The following ADAM19 variants were observed in gnomAD, a reference collection of about 807,000 sequenced individuals.
ADAM19 encodes disintegrin and metalloproteinase domain-containing protein 19.
ADAM19 carries 65 observed loss-of-function variants against 114.7 expected under a neutral mutation model. That is an observed-to-expected ratio of 0.57 (90% CI 0.46 to 0.70). The LOEUF (loss-of-function observed/expected upper bound fraction) is 0.70. Ranked by LOEUF, ADAM19 falls within the 30% of genes least tolerant of loss-of-function variation. ADAM19 has a pLI of 0.00. For missense variants in ADAM19, 1,063 were observed against 1,204.7 expected (o/e 0.88, Z 1.74); for synonymous variants, 466 against 460.5 (o/e 1.01, Z -0.15).
chr5:157,505,140 T>TAA (rs1755701285), intron 11 of ADAM19, among the ~76,000 whole-genome samples: 2 of 138,462 alleles, frequency 1.4e-5, no homozygotes, highest in Admixed American at 1.4e-4. Context: ...AAAAAAAAAA[T>TAA]TTCCTCATGA....
chr5:157,523,701 T>C (rs1267416786), intron 5 of ADAM19, among the ~76,000 whole-genome samples: 1 of 152,206 alleles, frequency 6.6e-6, no homozygotes, highest in African/African-American at 2.4e-5. Flanking sequence ...TAAACCTCTT[T>C]TCTTTATAAA....
At chr5:157,551,438 A>G (rs1458115982) in intron 3 of ADAM19, among the ~76,000 whole-genome samples, 6 of 149,666 alleles carry the variant, frequency 4.0e-5, no homozygotes, top group Non-Finnish European at 5.9e-5. Context: ...AAAAGACCAA[A>G]AAAACTAAGA....
chr5:157,494,441 G>A (rs1755283506), intron 15 of ADAM19, among the ~76,000 whole-genome samples: 1 of 152,184 alleles, frequency 6.6e-6, no homozygotes, highest in South Asian at 2.1e-4. Context: ...CCTACTGTAA[G>A]ATGGTCCCCA....
chr5:157,521,032 G>C (rs1756271877), intron 5 of ADAM19, among the ~76,000 whole-genome samples: 2 of 152,190 alleles, frequency 1.3e-5, no homozygotes, highest in South Asian at 4.1e-4. Context: ...AGCGTTGAGT[G>C]TAAACATTGG....
intron 12 of ADAM19, among the ~76,000 whole-genome samples, chr5:157,502,237 A>G (rs1162657476): frequency 1.3e-5 from 2 of 152,248 alleles, no homozygotes; most frequent in East Asian, 3.8e-4. Context: ...TGCATTTGTT[A>G]AAAATGACCG....
rs553160361 is a variant in ADAM19, at chr5:157,536,920, C to G, written c.330+993G>C. Among the ~76,000 whole-genome samples the G allele has an allele frequency of 8.5e-5, 13 of 152,352 alleles. No individual in the cohort carries two copies. In the South Asian group the frequency reaches 1.9e-3, roughly 22 times the overall value. On this transcript the variant is annotated intron_variant, in intron 4 of 22. Coordinates refer to ENST00000257527, the MANE Select transcript of ADAM19 (RefSeq NM_033274.5). ...TGTCCTGCCCCAAAGGCAAAGGCCA[C>G]TGCTGCTCCTGCCAGTGTGCGTCTT...
At chr5:157,563,433 G>C (rs1757565865) in intron 3 of ADAM19, among the ~76,000 whole-genome samples, 2 of 152,270 alleles carry the variant, frequency 1.3e-5, no homozygotes, top group South Asian at 4.1e-4. Context: ...TTCCACCCAA[G>C]CCTAAAAGCT....
chr5:157,484,213 TC>T (rs1754854717), intron 21 of ADAM19, among the ~76,000 whole-genome samples: 2 of 152,334 alleles, frequency 1.3e-5, no homozygotes, highest in East Asian at 3.9e-4. Context: ...TCTTTTCTTT[TC>T]ATATCACTTA....
At chr5:157,531,748 C>A (rs1756630838) in intron 4 of ADAM19, among the ~76,000 whole-genome samples, 1 of 150,978 alleles carries the variant, frequency 6.6e-6, no homozygotes, top group African/African-American at 2.4e-5. Context: ...GTCCTTCTAA[C>A]AAGAGGGAAG....
At chr5:157,574,809 A>G (rs1386296686) in intron 1 of ADAM19, among the ~76,000 whole-genome samples, 2 of 152,206 alleles carry the variant, frequency 1.3e-5, no homozygotes, top group African/African-American at 2.4e-5. Flanking sequence ...CCGGCATCTT[A>G]GCTGGAAACA....
At chr5:157,530,754 T>C in intron 5 of ADAM19, 53 bp downstream of exon 5, 15 of 1,501,472 alleles carry the variant, frequency 1.0e-5, no homozygotes, top group Non-Finnish European at 1.3e-5. Context: ...ATCTTGAAAC[T>C]TCCATTCCTG....
At chr5:157,537,220 A>C (rs1441795458) in intron 4 of ADAM19, among the ~76,000 whole-genome samples, 1 of 152,200 alleles carries the variant, frequency 6.6e-6, no homozygotes, top group African/African-American at 2.4e-5. Context: ...GAGCCTACAA[A>C]TTCCAATAGG....
chr5:157,544,150 G>C (rs1474637359), intron 3 of ADAM19, among the ~76,000 whole-genome samples: 1 of 152,196 alleles, frequency 6.6e-6, no homozygotes, highest in Non-Finnish European at 1.5e-5. Flanking sequence ...TTTGGAGGTT[G>C]CTCCTAGAGT....
In ADAM19 at chr5:157,489,153, A is replaced by C; in HGVS notation, c.2274T>G (p.Thr758=). The change falls in exon 20 of 23, where the codon ACT becomes ACG. Residue 758 remains threonine (T), a synonymous_variant. Coordinates refer to ENST00000257527, the MANE Select transcript of ADAM19 (RefSeq NM_033274.5). ...CPFRVSQNSG[T]GHANPTFKLQ... The stretch of plus-strand genomic sequence containing the variant: ...GCTTGAAAGTTGGGTTGGCATGACC[A>C]GTCCCGCTGTTCTGAGAAACCCTGA... 6.2e-7 allele frequency: 1 copy of C among 1,614,182 alleles called. No individual in the cohort carries two copies. The highest frequency in any genetic ancestry group is 1.1e-5 in the South Asian group (1 of 91,080).
intron 5 of ADAM19, among the ~76,000 whole-genome samples, chr5:157,522,959 G>A (rs1317823984): frequency 6.6e-6 from 1 of 152,172 alleles, no homozygotes; most frequent in Non-Finnish European, 1.5e-5. Flanking sequence ...AGATGCCATT[G>A]ATTGAGCTAA....
At chr5:157,540,176 T>A (rs1248932254) in intron 3 of ADAM19, among the ~76,000 whole-genome samples, 1 of 152,248 alleles carries the variant, frequency 6.6e-6, no homozygotes, top group East Asian at 1.9e-4. Flanking sequence ...ATAATCATTA[T>A]TGCTTTCAAC....
At chr5:157,553,145 A>G (rs941701730) in intron 3 of ADAM19, among the ~76,000 whole-genome samples, 2 of 152,210 alleles carry the variant, frequency 1.3e-5, no homozygotes, top group African/African-American at 4.8e-5. Flanking sequence ...ACTACAGTCT[A>G]TAATAATTTA....
chr5:157,480,979 C>T lies in ADAM19; in HGVS notation c.2727G>A (p.Arg909=). The change falls in exon 23 of 23, where the codon AGG becomes AGA. Residue 909 remains arginine, a synonymous_variant. Transcript: ENST00000257527. ...TTTTCGAGCTAATCATCCCTCCAGC[C>T]CTCTGTGATCTGTATTCTGGAAACT... The part of the protein sequence containing the change: ...APKFPEYRSQ[R]AGGMISSKI 3 of 1,614,154 alleles carry T rather than the reference C, an allele frequency of 1.9e-6. No individual in the cohort carries two copies. Among genetic ancestry groups the T allele is most frequent in the Non-Finnish European group, 8.5e-7 (1 of 1,180,034 alleles).
intron 7 of ADAM19, among the ~76,000 whole-genome samples, chr5:157,518,313 G>A (rs1287627372): frequency 6.6e-6 from 1 of 151,886 alleles, no homozygotes; most frequent in African/African-American, 2.4e-5. Context: ...TGTGGAGGTG[G>A]GGGAGGAAGG....
Sources: allele counts gnomAD v4.1 joint callset (sites outside exome capture counted in the v4.1 genomes callset), GRCh38; gene constraint gnomAD v4.1.1; transcripts MANE v1.5; gene names NCBI Gene and HGNC (gene_info 2026-07-23, HGNC 2026-07-21).